The following PLEKHG4B variants were observed in gnomAD, a reference collection of about 807,000 sequenced individuals.
PLEKHG4B encodes the protein pleckstrin homology and RhoGEF domain containing G4B, also known as pleckstrin homology domain-containing family G member 4B.
In PLEKHG4B, 111 loss-of-function variants were observed where a neutral mutation model predicts 121.3. The observed-to-expected ratio is 0.92, with a 90% CI of 0.78 to 1.07. PLEKHG4B has a LOEUF of 1.07. PLEKHG4B is among the 50% of genes least tolerant of loss of function. The probability of loss-of-function intolerance (pLI) is 0.00; values close to 1 mark genes in which losing one functional copy is unlikely to be tolerated. For missense variants in PLEKHG4B, 1,831 were observed against 1,757.8 expected (o/e 1.04, Z -0.74); for synonymous variants, 738 against 725.0 (o/e 1.02, Z -0.29).
intron 9 of PLEKHG4B, 64 bp downstream of exon 9, chr5:155,507 A>G: frequency 7.8e-7 from 1 of 1,275,088 alleles, no homozygotes; most frequent in Non-Finnish European, 1.1e-6. Flanking sequence ...CATAAAGGTT[A>G]GCCAAACTTG....
At chr5:169,829 C>T (rs1272896861) in intron 14 of PLEKHG4B, among the ~76,000 whole-genome samples, 3 of 152,230 alleles carry the variant, frequency 2.0e-5, no homozygotes, top group Non-Finnish European at 4.4e-5. Context: ...TCCCTGCTGC[C>T]CCTGGAGGCG....
intron 2 of PLEKHG4B, among the ~76,000 whole-genome samples, chr5:115,372 A>C (rs1391832191): frequency 6.6e-6 from 1 of 152,238 alleles, no homozygotes; most frequent in African/African-American, 2.4e-5. Flanking sequence ...GAGCAAGGCC[A>C]AGTAGACTGA....
Position 172,892 on chromosome 5 carries a change from T to G in PLEKHG4B, c.4051-5T>G, listed in dbSNP as rs1218205577. 1.2e-6 allele frequency: 2 copies of G among 1,614,134 alleles called. No individual in the cohort carries two copies. The highest frequency in any genetic ancestry group is 2.2e-5 in the South Asian group (2 of 91,080). On this transcript the variant is annotated splice_polypyrimidine_tract_variant and splice_region_variant and intron_variant, in intron 16 of 19. Transcript: ENST00000637938. Reference sequence around the variant, plus strand: ...GATGAAATCCACCTGTGTGTTCCTCTGCAGGTGAATTTGAAGGAACAGGGG... The same window carrying G: ...GATGAAATCCACCTGTGTGTTCCTCGGCAGGTGAATTTGAAGGAACAGGGG...
At chr5:161,502 G>A (rs759730515) in intron 11 of PLEKHG4B, among the ~76,000 whole-genome samples, 5 of 152,196 alleles carry the variant, frequency 3.3e-5, no homozygotes, top group Non-Finnish European at 2.9e-5. Context: ...TGACCAAGAC[G>A]CATCCCTCCC....
At chr5:161,631 G>A (rs1736004066) in intron 11 of PLEKHG4B, 152 bp from the exon 12 acceptor site, 2 of 881,102 alleles carry the variant, frequency 2.3e-6, no homozygotes, top group African/African-American at 1.7e-5. Flanking sequence ...CGGTCCTTTG[G>A]TGCCTGCTCT....
Position 173,977 on chromosome 5 carries a change from G to T in PLEKHG4B, c.4281G>T (p.Trp1427Cys). The T allele has an allele frequency of 6.2e-7, 1 of 1,613,032 alleles. No individual in the cohort carries two copies. The highest frequency in any genetic ancestry group is 8.5e-7 in the Non-Finnish European group (1 of 1,179,726). ...VGDSGLRFEIWFRRRRKSQDT... is the reference protein window; with the variant it reads ...VGDSGLRFEICFRRRRKSQDT... ...ACAGTGGCTTGAGGTTTGAGATTTG[G>T]TTTCGCAGGCGGCGGAAATCTCAGG... Residue 1427 changes from tryptophan (W) to cysteine (C), a missense_variant, in exon 18 of 20, where the codon TGG becomes TGT. Physicochemically the swap from Trp to Cys is radical, Grantham distance 215. Transcript: ENST00000637938.
intron 14 of PLEKHG4B, among the ~76,000 whole-genome samples, chr5:170,079 T>C (rs1246966860): frequency 1.3e-5 from 2 of 152,202 alleles, no homozygotes; most frequent in African/African-American, 4.8e-5. Context: ...GACCCAGTGG[T>C]CTCTCCTCGT....
At chr5:116,452 G>A (rs938054695) in intron 2 of PLEKHG4B, among the ~76,000 whole-genome samples, 15 of 152,176 alleles carry the variant, frequency 9.9e-5, no homozygotes, top group African/African-American at 3.1e-4. Context: ...TCTTCAGTAC[G>A]TGAAAAATGC....
Position 182,566 on chromosome 5 carries a change from T to A in PLEKHG4B, c.*243T>A, listed in dbSNP as rs1348996359. On this transcript the variant is annotated 3_prime_UTR_variant, in exon 20 of 20. Transcript: ENST00000637938. ...TCCACTTCCACCCAAGACAACAGCA[T>A]AGGAAACAGACCTAAAACAAGACAA... 1 of 525,138 alleles carries A rather than the reference T, an allele frequency of 1.9e-6. No individual in the cohort carries two copies. The highest frequency in any genetic ancestry group is 3.4e-6 in the Non-Finnish European group (1 of 295,086). 32.5% of individuals were successfully genotyped at this position (525,138 alleles called of 1,614,324 possible). A position where few individuals can be genotyped will look rare whatever the true frequency, so the allele number is the denominator to read the frequency against.
chr5:136,326 A>G (rs1265308228), intron 2 of PLEKHG4B, among the ~76,000 whole-genome samples: 5 of 152,222 alleles, frequency 3.3e-5, no homozygotes, highest in African/African-American at 7.2e-5. Context: ...GCTTCATCCA[A>G]TGTTTTAAAA....
At chr5:115,514 C>G (rs770256527) in intron 2 of PLEKHG4B, among the ~76,000 whole-genome samples, 4 of 152,238 alleles carry the variant, frequency 2.6e-5, no homozygotes, top group Non-Finnish European at 4.4e-5. Context: ...CAGGCATTGA[C>G]TTTGCCTCTC....
At chr5:169,616 T>C (rs2126452468) in intron 14 of PLEKHG4B, 24 bp downstream of exon 14, 1 of 1,608,154 alleles carries the variant, frequency 6.2e-7, no homozygotes, top group Non-Finnish European at 8.5e-7. Flanking sequence ...ATGGCGTGGG[T>C]GCCGGGCAAC....
chr5:157,407 G>A lies in PLEKHG4B; in HGVS notation c.2487+496G>A, dbSNP rs1404805501. Among the ~76,000 whole-genome samples the A allele has an allele frequency of 6.6e-6, 1 of 152,156 alleles. No individual in the cohort carries two copies. Among genetic ancestry groups the A allele is most frequent in the African/African-American group, 2.4e-5 (1 of 41,442 alleles). On this transcript the variant is annotated intron_variant, in intron 11 of 19. Transcript: ENST00000637938. The surrounding 1 kb of genome is among the most constrained non-coding windows in gnomAD (Gnocchi z 4.6). Reference sequence around the variant, plus strand: ...AGAAAAGAGGACAAATCGGGAGGGGGTGATGACGGAAGTGGCTTTTCATGA... The same window carrying A: ...AGAAAAGAGGACAAATCGGGAGGGGATGATGACGGAAGTGGCTTTTCATGA...
At chr5:120,124 A>G (rs2126366980) in intron 2 of PLEKHG4B, among the ~76,000 whole-genome samples, 1 of 152,250 alleles carries the variant, frequency 6.6e-6, no homozygotes, top group South Asian at 2.1e-4. Context: ...TGGGTGGTGC[A>G]TGCCTGTGGT....
In PLEKHG4B at chr5:170,471, T is replaced by C. The variant is rs193156689; in HGVS notation, c.3730-572T>C. On this transcript the variant is annotated intron_variant, in intron 14 of 19. Transcript: ENST00000637938. Reference sequence around the variant, plus strand: ...GCGCCGCCACCACGCCCGGCTAATTTTTGTATTTTTAGTAGAGATGGAGTT... The same window carrying C: ...GCGCCGCCACCACGCCCGGCTAATTCTTGTATTTTTAGTAGAGATGGAGTT... Among the ~76,000 whole-genome samples the C allele has an allele frequency of 5.3e-3, 811 of 152,130 alleles. 6 individuals carry two copies. The highest frequency in any genetic ancestry group is 8.3e-3 in the Non-Finnish European group (564 of 67,978).
chr5:146,052 TC>T (rs1735398463), intron 6 of PLEKHG4B, among the ~76,000 whole-genome samples: 1 of 150,974 alleles, frequency 6.6e-6, no homozygotes, highest in African/African-American at 2.4e-5. Flanking sequence ...TCCTCCCTCC[TC>T]TCCCCCTCCA....
At chr5:179,322 A>G (rs558754049) in intron 18 of PLEKHG4B, among the ~76,000 whole-genome samples, 4 of 152,252 alleles carry the variant, frequency 2.6e-5, no homozygotes, top group South Asian at 2.1e-4. Flanking sequence ...TTTTCTACCT[A>G]TTTGGTGAGA....
At chr5:126,738 A>G (rs1446321241) in intron 2 of PLEKHG4B, among the ~76,000 whole-genome samples, 2 of 152,166 alleles carry the variant, frequency 1.3e-5, no homozygotes, top group African/African-American at 4.8e-5. Context: ...CACCAAGAAG[A>G]TTAAGGACAT....
intron 7 of PLEKHG4B, among the ~76,000 whole-genome samples, chr5:152,234 A>C: frequency 6.8e-6 from 1 of 147,550 alleles, no homozygotes. Context: ...TTCCTGAGAC[A>C]GCATCTAGCT....
Sources: gnomAD v4.1 joint callset for allele counts (sites outside exome capture counted in the v4.1 genomes callset) on GRCh38, gnomAD v4.1.1 for gene constraint, Gnocchi (gnomAD v3.1) non-coding constraint, MANE v1.5 for transcripts, NCBI Gene and HGNC (gene_info 2026-07-23, HGNC 2026-07-21) for gene names.